Variants in NUCB1 observed in about 807,000 individuals in gnomAD.
NUCB1 encodes the protein nucleobindin-1.
Under a neutral mutation model 61.2 loss-of-function variants are expected in NUCB1, and 47 were observed. The ratio of observed to expected loss-of-function variants is 0.77; its 90% CI spans 0.61 to 0.98. The LOEUF (loss-of-function observed/expected upper bound fraction) is 0.98, where lower values mean the gene tolerates loss of function less well. Ranked by LOEUF, NUCB1 falls within the 50% of genes least tolerant of loss-of-function variation. The pLI is 0.00. For missense variants in NUCB1, 583 were observed against 605.3 expected (o/e 0.96, Z 0.39); for synonymous variants, 234 against 243.1 (o/e 0.96, Z 0.35).
chr19:48,901,111 CTGACT>C (rs1348429645), intron 2 of NUCB1, 180 bp downstream of exon 2: 19 of 595,166 alleles, frequency 3.2e-5, no homozygotes, highest in Non-Finnish European at 3.5e-5. Flanking sequence ...CTGGAGGTCC[CTGACT>C]CTGAGGTGTG....
intron 9 of NUCB1, 21 bp from the exon 10 acceptor site, chr19:48,919,173 C>T (rs771680859): frequency 6.2e-7 from 1 of 1,613,888 alleles, no homozygotes; most frequent in Non-Finnish European, 8.5e-7. Flanking sequence ...CTCTGTCACT[C>T]ACCCTTATCT....
At position 48,919,608 on chromosome 19, in the gene NUCB1, G is replaced by T. The variant is rs185887925; in HGVS notation, c.1002+322G>T. On this transcript the variant is annotated intron_variant, in intron 10 of 12. Coordinates refer to ENST00000405315, the MANE Select transcript of NUCB1 (RefSeq NM_006184.6). The stretch of plus-strand genomic sequence containing the variant: ...TTCTCCTGGCTCATCCTCTTGAGTA[G>T]CTGGGATTATAGGTGCGTGCCACCA... Among the ~76,000 whole-genome samples, 971 of 151,786 alleles carry T rather than the reference G, an allele frequency of 6.4e-3. 8 individuals are homozygous for T. The highest frequency in any genetic ancestry group is 0.023 in the African/African-American group (932 of 41,398).
intron 2 of NUCB1, among the ~76,000 whole-genome samples, chr19:48,903,066 C>T (rs1442070195): frequency 6.6e-6 from 1 of 152,032 alleles, no homozygotes; most frequent in Non-Finnish European, 1.5e-5. Flanking sequence ...CCTCAGCCTC[C>T]CAAAGCACTG....
chr19:48,908,611 C>T (rs549022979), intron 4 of NUCB1, among the ~76,000 whole-genome samples: 3 of 151,204 alleles, frequency 2.0e-5, no homozygotes, highest in Non-Finnish European at 4.4e-5. Context: ...CCGGAGCTGC[C>T]TCCACTGCAG....
At position 48,909,247 on chromosome 19, in the gene NUCB1, TTA is replaced by T. The variant is rs1491189298; in HGVS notation, c.377-1900_377-1899del. Among the ~76,000 whole-genome samples, 957 of 130,986 alleles carry T rather than the reference TTA, an allele frequency of 7.3e-3. 11 individuals carry two copies. The highest frequency in any genetic ancestry group is 0.036 in the African/African-American group (916 of 25,098). The allele number at this position is 130,986 out of a possible 152,430, so 85.9% of individuals were successfully genotyped here. On this transcript the variant is annotated intron_variant, in intron 4 of 12. Coordinates refer to ENST00000405315, the MANE Select transcript of NUCB1 (RefSeq NM_006184.6). Reference sequence around the variant, plus strand: ...TATTTTTTATTAATTATTATTATTATTATTTTTTTTTTTTTCCAAGACAGAGT... The same window carrying T: ...TATTTTTTATTAATTATTATTATTATTTTTTTTTTTTTTCCAAGACAGAGT...
At chr19:48,915,451 G>T (rs113180143) in intron 7 of NUCB1, among the ~76,000 whole-genome samples, 2 of 152,112 alleles carry the variant, frequency 1.3e-5, no homozygotes, top group Admixed American at 1.3e-4. Flanking sequence ...GTTGCAATGA[G>T]CTGAGATCAC....
chr19:48,904,898 G>GAA (rs2037395912), intron 3 of NUCB1, among the ~76,000 whole-genome samples: 1 of 152,194 alleles, frequency 6.6e-6, no homozygotes, highest in Admixed American at 6.6e-5. Flanking sequence ...GACTCAGGGA[G>GAA]AAGTTGCTTC....
intron 2 of NUCB1, among the ~76,000 whole-genome samples, chr19:48,901,275 G>T (rs1015048405): frequency 4.6e-5 from 7 of 152,176 alleles, no homozygotes; most frequent in Admixed American, 3.3e-4. Flanking sequence ...GCTAGCTGGG[G>T]TATTCTGACT....
intron 2 of NUCB1, among the ~76,000 whole-genome samples, chr19:48,903,895 T>C (rs1286676216): frequency 2.1e-5 from 3 of 141,104 alleles, no homozygotes; most frequent in African/African-American, 8.1e-5. Flanking sequence ...GGTGGGTGGA[T>C]GGATGGATGG....
intron 2 of NUCB1, among the ~76,000 whole-genome samples, chr19:48,903,882 A>G (rs111212190): frequency 0.49 from 35,652 of 72,608 alleles, 6,369 homozygotes; most frequent in African/African-American, 0.64. Flanking sequence ...GGATGGATGG[A>G]TGGGTGGGTG....
At chr19:48,912,859 A>G (rs1367230812) in intron 5 of NUCB1, 152 bp from the exon 6 acceptor site, 8 of 455,052 alleles carry the variant, frequency 1.8e-5, no homozygotes, top group Non-Finnish European at 2.6e-5. Context: ...AAAAAAAAAA[A>G]AAAGGGACAT....
At chr19:48,901,229 C>T (rs1050079558) in intron 2 of NUCB1, 47 of 533,782 alleles carry the variant, frequency 8.8e-5, no homozygotes, top group African/African-American at 6.5e-4. Flanking sequence ...TTCCCAGTAG[C>T]ACCATGTTGC....
chr19:48,919,777 TTTTTTTTC>T (rs1304464412), intron 10 of NUCB1, among the ~76,000 whole-genome samples: 2 of 45,784 alleles, frequency 4.4e-5, no homozygotes, highest in African/African-American at 1.1e-4. Context: ...TTTTTTTTTT[TTTTTTTTC>T]TGAAACAGGG....
intron 2 of NUCB1, chr19:48,901,217 A>G (rs1443345423): frequency 5.4e-6 from 3 of 559,050 alleles, no homozygotes; most frequent in Non-Finnish European, 9.7e-6. Context: ...ACAAAACTAC[A>G]TTTCCCAGTA....
chr19:48,910,368 A>T (rs575129922), intron 4 of NUCB1, among the ~76,000 whole-genome samples: 1 of 71,026 alleles, frequency 1.4e-5, no homozygotes, highest in Non-Finnish European at 2.8e-5. Flanking sequence ...GAGCCACCGC[A>T]CCCAGCCTTG....
intron 7 of NUCB1, 80 bp from the exon 8 acceptor site, chr19:48,918,646 A>G (rs2287835): frequency 0.21 from 244,554 of 1,185,394 alleles, 27,828 homozygotes; most frequent in East Asian, 0.53. Context: ...ACCCCACATC[A>G]GCCCAAAATT....
intron 1 of NUCB1, 177 bp from the exon 2 acceptor site, chr19:48,900,609 T>A (rs1254452156): frequency 1.3e-6 from 1 of 789,384 alleles, no homozygotes; most frequent in Non-Finnish European, 2.0e-6. Context: ...GGGCCCAGAC[T>A]CCTGTGTCGG....
chr19:48,905,994 C>A (rs568714072), intron 4 of NUCB1, 109 bp downstream of exon 4: 8 of 1,165,382 alleles, frequency 6.9e-6, no homozygotes, highest in South Asian at 1.4e-5. Context: ...TCCCTCCCCG[C>A]TGCGAAATGT....
At position 48,908,045 on chromosome 19, in the gene NUCB1, T is replaced by C. The variant is rs986387560; in HGVS notation, c.376+2160T>C. Reference sequence around the variant, plus strand: ...CCTGTGTGAAGGAGCCTCTGTGTTATTTGTGTCCTTGGTATTCCTTTGTTC... The same window carrying C: ...CCTGTGTGAAGGAGCCTCTGTGTTACTTGTGTCCTTGGTATTCCTTTGTTC... On this transcript the variant is annotated intron_variant, in intron 4 of 12. Coordinates refer to ENST00000405315, the MANE Select transcript of NUCB1 (RefSeq NM_006184.6). 5.3e-5 allele frequency among the ~76,000 whole-genome samples: 8 copies of C among 152,308 alleles called. No homozygotes were observed. The South Asian group carries it at 8.3e-4, about 16-fold the overall frequency.
Sources: allele counts gnomAD v4.1 joint callset (sites outside exome capture counted in the v4.1 genomes callset), GRCh38; gene constraint gnomAD v4.1.1; transcripts MANE v1.5; gene names NCBI Gene and HGNC (gene_info 2026-07-23, HGNC 2026-07-21).